The following SPAG17 variants were observed in gnomAD, a reference collection of about 807,000 sequenced individuals.
SPAG17 encodes the protein sperm-associated antigen 17.
SPAG17 carries 169 observed loss-of-function variants against 273.6 expected under a neutral mutation model. The ratio of observed to expected loss-of-function variants is 0.62; its 90% CI spans 0.55 to 0.70. SPAG17 has a LOEUF of 0.70. SPAG17 is among the 30% of genes least tolerant of loss of function. SPAG17 has a pLI of 0.00. For synonymous variants in SPAG17, 825 were observed against 873.2 expected, an observed-to-expected ratio of 0.94 and a Z score of 0.97; for missense variants, 2,557 against 2,627.8, an observed-to-expected ratio of 0.97 and a Z score of 0.59.
In SPAG17 at chr1:118,184,187, C is replaced by T. The variant is rs576857834; in HGVS notation, c.87+884G>A. On this transcript the variant is annotated intron_variant, in intron 1 of 48. Transcript: ENST00000336338. ...CTTTAAGTACTGACTCTCTAGTGCA[C>T]CATACAGACATATATAAAATGAAAA... is the stretch of plus-strand genomic sequence containing the variant. 5.3e-5 allele frequency among the ~76,000 whole-genome samples: 8 copies of T among 152,222 alleles called. No individual in the cohort carries two copies. In the South Asian group the frequency reaches 1.7e-3, roughly 32 times the overall value.
intron 3 of SPAG17, among the ~76,000 whole-genome samples, chr1:118,145,555 G>A (rs1287720110): frequency 1.3e-5 from 2 of 152,020 alleles, no homozygotes; most frequent in African/African-American, 4.8e-5. Context: ...ACTGCATTTG[G>A]TCCATTATTT....
chr1:118,031,930 T>C, intron 24 of SPAG17, 63 bp from the exon 25 acceptor site: 1 of 1,351,856 alleles, frequency 7.4e-7, no homozygotes, highest in Non-Finnish European at 1.0e-6. Flanking sequence ...CCTTGTGAAA[T>C]AACATTTACA....
At chr1:118,055,655 TC>T in intron 19 of SPAG17, 77 bp downstream of exon 19, 1 of 1,211,266 alleles carries the variant, frequency 8.3e-7, no homozygotes, top group East Asian at 2.4e-5. Context: ...TTGAAAATAT[TC>T]ACAGTCTTGA....
chr1:118,058,934 C>T (rs1231484027), intron 18 of SPAG17, among the ~76,000 whole-genome samples: 1 of 152,112 alleles, frequency 6.6e-6, no homozygotes, highest in African/African-American at 2.4e-5. Flanking sequence ...CACACACATG[C>T]TACACATGTC....
Position 118,093,272 on chromosome 1 carries a change from A to T in SPAG17, c.1057T>A (p.Tyr353Asn), listed in dbSNP as rs563489817. 6.2e-7 allele frequency: 1 copy of T among 1,613,292 alleles called. No homozygotes were observed. Among genetic ancestry groups the T allele is most frequent in the South Asian group, 1.1e-5 (1 of 90,974 alleles). ...TGCCTTTTCCAATCCAGGATGTCAT[A>T]CATCAAGCAGGCAATATTTTCAAAA... ...DIFENIACLM[Y>N]DILDWKRQHQ... The change falls in exon 8 of 49, where the codon TAT (tyrosine) becomes AAT (asparagine). Residue 353 changes from tyrosine (Y) to asparagine (N), a missense_variant. Transcript: ENST00000336338.
intron 24 of SPAG17, 144 bp downstream of exon 24, chr1:118,036,626 C>CA: frequency 3.5e-6 from 2 of 578,412 alleles, no homozygotes; most frequent in Non-Finnish European, 3.1e-6. Context: ...ACACACACAC[C>CA]TCTTCTATTA....
At chr1:118,151,406 C>G (rs991067382) in intron 1 of SPAG17, 37 bp from the exon 2 acceptor site, 1 of 1,569,944 alleles carries the variant, frequency 6.4e-7, no homozygotes, top group Admixed American at 1.7e-5. Flanking sequence ...TTTAAATATT[C>G]CTGAATAGGT....
chr1:118,015,911 T>C, intron 29 of SPAG17, 54 bp downstream of exon 29: 1 of 1,519,592 alleles, frequency 6.6e-7, no homozygotes, highest in Non-Finnish European at 9.1e-7. Flanking sequence ...TTGGGTGTTG[T>C]TTCAGAATAC....
intron 20 of SPAG17, among the ~76,000 whole-genome samples, chr1:118,046,425 T>C (rs1650362423): frequency 6.6e-6 from 1 of 152,078 alleles, no homozygotes; most frequent in African/African-American, 2.4e-5. Flanking sequence ...AAAATCAAGA[T>C]AAAACTTAAG....
At chr1:118,136,336 T>G (rs1368226703) in intron 3 of SPAG17, among the ~76,000 whole-genome samples, 1 of 152,174 alleles carries the variant, frequency 6.6e-6, no homozygotes, top group Non-Finnish European at 1.5e-5. Context: ...CTTGCATCAT[T>G]ACTCTTAGCC....
intron 24 of SPAG17, among the ~76,000 whole-genome samples, chr1:118,034,699 C>A (rs777522402): frequency 6.6e-6 from 1 of 152,088 alleles, no homozygotes; most frequent in Admixed American, 6.5e-5. Context: ...ATTCAAGGAA[C>A]TGAAAGGCAC....
chr1:118,067,019 A>G (rs1181261547), intron 17 of SPAG17, 120 bp from the exon 18 acceptor site: 1 of 883,546 alleles, frequency 1.1e-6, no homozygotes. Context: ...TTGTTAGTCA[A>G]GTTGAAATTC....
At chr1:118,012,512 T>C (rs1659583997) in intron 29 of SPAG17, 140 bp from the exon 30 acceptor site, 1 of 839,358 alleles carries the variant, frequency 1.2e-6, no homozygotes, top group South Asian at 2.1e-5. Flanking sequence ...CTCATCTACC[T>C]GATCTAACCT....
At chr1:117,973,667 TC>T (rs1654820445) in intron 43 of SPAG17, 106 bp from the exon 44 acceptor site, 1 of 1,103,482 alleles carries the variant, frequency 9.1e-7, no homozygotes, top group Non-Finnish European at 1.3e-6. Flanking sequence ...AAACTTTTTT[TC>T]TTTGCTTTTC....
At chr1:118,043,975 G>C (rs1650061601) in intron 20 of SPAG17, among the ~76,000 whole-genome samples, 1 of 152,038 alleles carries the variant, frequency 6.6e-6, no homozygotes, top group Non-Finnish European at 1.5e-5. Flanking sequence ...GTTGGCTAAG[G>C]ATACAACAAT....
At chr1:118,046,008 C>T (rs924337934) in intron 20 of SPAG17, among the ~76,000 whole-genome samples, 17 of 152,054 alleles carry the variant, frequency 1.1e-4, no homozygotes, top group Non-Finnish European at 1.6e-4. Flanking sequence ...ATGGTAAGCA[C>T]GGAGACAAAG....
intron 3 of SPAG17, among the ~76,000 whole-genome samples, chr1:118,132,895 C>T (rs1447352549): frequency 6.6e-6 from 1 of 152,174 alleles, no homozygotes; most frequent in Admixed American, 6.5e-5. Flanking sequence ...CCTCAGCCTC[C>T]TGAGTAGCTG....
chr1:117,972,263 TAATTGTTC>T (rs1654646857), intron 44 of SPAG17, among the ~76,000 whole-genome samples: 2 of 152,364 alleles, frequency 1.3e-5, no homozygotes, highest in South Asian at 4.1e-4. Context: ...GAAAGATGGA[TAATTGTTC>T]AAGTGGTAAG....
intron 18 of SPAG17, among the ~76,000 whole-genome samples, chr1:118,063,465 A>G (rs2102042465): frequency 6.6e-6 from 1 of 152,332 alleles, no homozygotes; most frequent in East Asian, 1.9e-4. Context: ...GACAAACCTG[A>G]CAAAAACAAA....
Sources: allele counts gnomAD v4.1 joint callset (sites outside exome capture counted in the v4.1 genomes callset), GRCh38; gene constraint gnomAD v4.1.1; transcripts MANE v1.5; gene names NCBI Gene and HGNC (gene_info 2026-07-23, HGNC 2026-07-21).